RIMKLB: variants seen among roughly 807,000 people sequenced by gnomAD.
RIMKLB encodes ribosomal modification protein rimK like family member B, also known as beta-citrylglutamate synthase B.
RIMKLB carries 7 observed loss-of-function variants against 32.0 expected under a neutral mutation model. The ratio of observed to expected loss-of-function variants is 0.22; its 90% CI spans 0.12 to 0.41. RIMKLB has a LOEUF of 0.41. Among genes scored for constraint, RIMKLB ranks in the 10% least tolerant of loss-of-function variants. The pLI, the probability that RIMKLB is intolerant of heterozygous loss-of-function variation, is 1.00. For synonymous variants in RIMKLB, 172 were observed against 185.1 expected (o/e 0.93, Z 0.57); for missense variants, 289 against 498.7 (o/e 0.58, Z 4.00).
At chr12:8,760,490 C>T (rs1327264894) in intron 5 of RIMKLB, among the ~76,000 whole-genome samples, 1 of 152,172 alleles carries the variant, frequency 6.6e-6, no homozygotes, top group Non-Finnish European at 1.5e-5. Context: ...AATGGTATTT[C>T]TAGTTATAGG....
chr12:8,717,670 G>C (rs965721209), intron 2 of RIMKLB, among the ~76,000 whole-genome samples: 2 of 152,136 alleles, frequency 1.3e-5, no homozygotes, highest in Admixed American at 1.3e-4. Flanking sequence ...CATAATGTCT[G>C]TTCTTACTAC....
At chr12:8,719,610 C>G (rs1233305848) in intron 2 of RIMKLB, among the ~76,000 whole-genome samples, 2 of 152,112 alleles carry the variant, frequency 1.3e-5, no homozygotes, top group Non-Finnish European at 2.9e-5. Context: ...CTCCGGTGAT[C>G]CGCCCGCCTC....
intron 2 of RIMKLB, among the ~76,000 whole-genome samples, chr12:8,749,193 C>A (rs117024486): frequency 6.6e-6 from 1 of 152,064 alleles, no homozygotes; most frequent in East Asian, 1.9e-4. Context: ...TCAGAGGAAG[C>A]CAGTTTAAAT....
rs1302210414 is a variant in RIMKLB at position 8,775,063 on chromosome 12, T to A, written c.*1279T>A. 5.1e-6 allele frequency: 5 copies of A among 985,620 alleles called. No homozygotes were observed. The East Asian group carries it at 5.7e-4, about 112-fold the overall frequency. The allele number at this position is 985,620 out of a possible 1,614,324, so 61.1% of individuals were successfully genotyped here. On this transcript the variant is annotated 3_prime_UTR_variant, in exon 6 of 6. Coordinates refer to ENST00000535829, the MANE Select transcript of RIMKLB (RefSeq NM_001297776.2). ...TATTCACCTTAAAACATAGGGTGAG[T>A]AGATGCTTTTTTAGGCCTTTTTGTG...
intron 5 of RIMKLB, among the ~76,000 whole-genome samples, chr12:8,755,510 C>T (rs1948950492): frequency 6.6e-6 from 1 of 152,128 alleles, no homozygotes; most frequent in Admixed American, 6.5e-5. Flanking sequence ...GTCAGGAACC[C>T]CTTGAAATCT....
intron 5 of RIMKLB, among the ~76,000 whole-genome samples, chr12:8,768,829 T>A (rs946001065): frequency 1.3e-5 from 2 of 152,180 alleles, no homozygotes; most frequent in Non-Finnish European, 2.9e-5. Context: ...TGCCAAAGAG[T>A]TTTGTGAGAT....
In RIMKLB at chr12:8,775,450, A is replaced by AT; in HGVS notation, c.*1672dup. On this transcript the variant is annotated 3_prime_UTR_variant, in exon 6 of 6. Transcript: ENST00000535829. Reference sequence around the variant, plus strand: ...TGGAGATGCTGCAGAGCCCAACGTAATTTTTTAAACAGCAAGTTTTCCATC... The same window carrying AT: ...TGGAGATGCTGCAGAGCCCAACGTAATTTTTTTAAACAGCAAGTTTTCCATC... 1 of 985,640 alleles carries AT rather than the reference A, an allele frequency of 1.0e-6. No homozygotes were observed. The highest frequency in any genetic ancestry group is 1.2e-6 in the Non-Finnish European group (1 of 829,896). 61.1% of individuals were successfully genotyped at this position (985,640 alleles called of 1,614,324 possible).
chr12:8,735,199 T>C (rs1946885330), intron 2 of RIMKLB, among the ~76,000 whole-genome samples: 1 of 152,186 alleles, frequency 6.6e-6, no homozygotes, highest in Non-Finnish European at 1.5e-5. Context: ...TGCCTACTTA[T>C]CAGGCAGCAA....
At position 8,773,727 on chromosome 12, in the gene RIMKLB, G is replaced by A; in HGVS notation, c.1104G>A (p.Gly368=). The change falls in exon 6 of 6, where the codon GGG becomes GGA. Residue 368 remains glycine (G), a synonymous_variant. Transcript: ENST00000535829. The part of the protein sequence containing the change: ...TERELLTKLP[G]GLFNMNQLLA... ...GAGAGCTGCTCACCAAGCTCCCAGG[G>A]GGCCTGTTCAACATGAACCAGCTGC... 1 of 1,614,216 alleles carries A rather than the reference G, an allele frequency of 6.2e-7. No homozygotes were observed. The highest frequency in any genetic ancestry group is 8.5e-7 in the Non-Finnish European group (1 of 1,180,028).
chr12:8,775,114 C>A lies in RIMKLB; in HGVS notation c.*1330C>A. ...TATATGTACGTTGTTTGTTTTTTTC[C>A]TTTTGTTTCTAGCCTGTTCAGTGTA... On this transcript the variant is annotated 3_prime_UTR_variant, in exon 6 of 6. Transcript: ENST00000535829. 1 of 985,182 alleles carries A rather than the reference C, an allele frequency of 1.0e-6. No homozygotes were observed. The highest frequency in any genetic ancestry group is 1.2e-6 in the Non-Finnish European group (1 of 829,722). 61.0% of individuals were successfully genotyped at this position (985,182 alleles called of 1,614,324 possible).
chr12:8,701,539 C>G (rs970808966), intron 1 of RIMKLB, among the ~76,000 whole-genome samples: 3 of 150,746 alleles, frequency 2.0e-5, no homozygotes, highest in African/African-American at 7.3e-5. Flanking sequence ...TATCTTTTTT[C>G]TTCTTTCTGA....
chr12:8,759,489 C>G (rs1007429198), intron 5 of RIMKLB, among the ~76,000 whole-genome samples: 7 of 152,112 alleles, frequency 4.6e-5, no homozygotes, highest in Non-Finnish European at 8.8e-5. Context: ...TAATTGCTAT[C>G]TTATGGCTAT....
upstream of RIMKLB, among the ~76,000 whole-genome samples, chr12:8,692,264 A>T (rs751828041): frequency 4.6e-5 from 7 of 152,322 alleles, no homozygotes; most frequent in South Asian, 1.2e-3. Context: ...TGAGGCTACA[A>T]TGAGTTTATA....
chr12:8,727,259 G>C (rs1200547378), intron 2 of RIMKLB, among the ~76,000 whole-genome samples: 1 of 152,154 alleles, frequency 6.6e-6, no homozygotes, highest in Non-Finnish European at 1.5e-5. Context: ...TTTTGAGAGA[G>C]ACAGAATCTC....
intron 4 of RIMKLB, 119 bp from the exon 5 acceptor site, chr12:8,753,771 A>T (rs902872722): frequency 7.4e-5 from 48 of 646,262 alleles, no homozygotes; most frequent in Non-Finnish European, 1.2e-4. Flanking sequence ...AAGAAAACTT[A>T]AAAAAAAAAT....
At chr12:8,720,413 GT>G (rs910654438) in intron 2 of RIMKLB, among the ~76,000 whole-genome samples, 33 of 152,290 alleles carry the variant, frequency 2.2e-4, no homozygotes, top group African/African-American at 7.7e-4. Flanking sequence ...ATACTTTCCA[GT>G]GTATAATAGT....
At chr12:8,777,427 A>G (rs761362234), downstream of RIMKLB, 175 of 985,160 alleles carry the variant, frequency 1.8e-4, no homozygotes, top group Middle Eastern at 2.6e-3. Context: ...CTTTATACCA[A>G]TGCCATTTTG....
At chr12:8,729,447 T>A (rs1309562711) in intron 2 of RIMKLB, among the ~76,000 whole-genome samples, 1 of 152,090 alleles carries the variant, frequency 6.6e-6, no homozygotes, top group African/African-American at 2.4e-5. Flanking sequence ...GTCAGGCTGC[T>A]TCTCTCTGAT....
intron 5 of RIMKLB, among the ~76,000 whole-genome samples, chr12:8,756,419 A>C (rs1420775476): frequency 2.0e-5 from 3 of 152,158 alleles, no homozygotes; most frequent in East Asian, 3.9e-4. Flanking sequence ...GAGATCTATA[A>C]TCACATGGAT....
Sources: gnomAD v4.1 joint callset for allele counts (sites outside exome capture counted in the v4.1 genomes callset) on GRCh38, gnomAD v4.1.1 for gene constraint, MANE v1.5 for transcripts, NCBI Gene and HGNC (gene_info 2026-07-23, HGNC 2026-07-21) for gene names.